CNPY1: variants seen among roughly 807,000 people sequenced by gnomAD.
CNPY1 encodes the protein canopy FGF signaling regulator 1.
A neutral mutation model predicts 14.4 loss-of-function variants in CNPY1; 14 were observed. The observed-to-expected ratio is 0.97, with a 90% CI of 0.64 to 1.52. The LOEUF (loss-of-function observed/expected upper bound fraction) is 1.52. Ranked by LOEUF, CNPY1 falls within the 40% of genes most tolerant of loss-of-function variation. CNPY1 has a pLI of 0.00. For missense variants in CNPY1, 129 were observed against 131.5 expected (o/e 0.98, Z 0.09); for synonymous variants, 43 against 46.5 (o/e 0.92, Z 0.31).
chr7:155,529,461 TG>T (rs1240453511), intron 2 of CNPY1, among the ~76,000 whole-genome samples: 3 of 152,216 alleles, frequency 2.0e-5, no homozygotes, highest in African/African-American at 7.2e-5. Context: ...AGGCCAACAC[TG>T]AGGAACCAGC....
At chr7:155,506,794 T>C (rs1005191037) in intron 4 of CNPY1, 57 of 502,622 alleles carry the variant, frequency 1.1e-4, no homozygotes, top group Non-Finnish European at 1.6e-4. Flanking sequence ...ACTTAATATA[T>C]AGAGGAAAGA....
chr7:155,508,864 T>C (rs746328118), intron 3 of CNPY1, 30 bp downstream of exon 3: 11 of 1,609,610 alleles, frequency 6.8e-6, no homozygotes, highest in Non-Finnish European at 7.6e-6. Context: ...TTCTGGATCA[T>C]ACGATTCATC....
At chr7:155,540,981 A>G (rs1001286074) in intron 2 of CNPY1, among the ~76,000 whole-genome samples, 2 of 152,216 alleles carry the variant, frequency 1.3e-5, no homozygotes, top group African/African-American at 4.8e-5. Flanking sequence ...TTGTTTAAAA[A>G]ATAAATAAAT....
chr7:155,539,845 C>T (rs1797064481), intron 2 of CNPY1, among the ~76,000 whole-genome samples: 1 of 152,090 alleles, frequency 6.6e-6, no homozygotes, highest in South Asian at 2.1e-4. Context: ...GTCAGTGATT[C>T]TTAGGAGAAA....
chr7:155,544,086 C>T (rs966726437), intron 2 of CNPY1, among the ~76,000 whole-genome samples: 6 of 152,172 alleles, frequency 3.9e-5, no homozygotes, highest in Non-Finnish European at 8.8e-5. Context: ...AGGCTCAGGA[C>T]CCCCAAACGT....
At chr7:155,508,010 A>G (rs6459706) in intron 3 of CNPY1, among the ~76,000 whole-genome samples, 26,624 of 152,252 alleles carry the variant, frequency 0.17, 5,091 homozygotes, top group African/African-American at 0.48. Flanking sequence ...CTTATTCTGT[A>G]GTACTTTTAA....
Position 155,503,026 on chromosome 7 carries a change from GGT to G in CNPY1, c.*40_*41del. 1 of 1,573,444 alleles carries G rather than the reference GGT, an allele frequency of 6.4e-7. No individual in the cohort carries two copies. The highest frequency in any genetic ancestry group is 8.7e-7 in the Non-Finnish European group (1 of 1,150,926). On this transcript the variant is annotated 3_prime_UTR_variant, in exon 5 of 5. Transcript: ENST00000636446. ...CATAAAATGCAGACATTGACCTTTG[GGT>G]GTGACTTTACTCCTCTCTACGACCA...
intron 2 of CNPY1, among the ~76,000 whole-genome samples, chr7:155,522,040 A>G (rs1164154744): frequency 6.6e-6 from 1 of 152,256 alleles, no homozygotes; most frequent in African/African-American, 2.4e-5. Context: ...AGGTTCCTCT[A>G]GACGTGTTGA....
chr7:155,531,828 T>C (rs1460525296), intron 2 of CNPY1, among the ~76,000 whole-genome samples: 1 of 152,084 alleles, frequency 6.6e-6, no homozygotes, highest in African/African-American at 2.4e-5. Flanking sequence ...GCCTCAGAAG[T>C]GGAGAAAAGG....
At position 155,502,962 on chromosome 7, in the gene CNPY1, G is replaced by A; in HGVS notation, c.*106C>T. On this transcript the variant is annotated 3_prime_UTR_variant, in exon 5 of 5. Transcript: ENST00000636446. Reference sequence around the variant, plus strand: ...ACGGAGACAAACACGGTATAAACAAGAGACAAAATTTTTCTTATCATGAAA... The same window carrying A: ...ACGGAGACAAACACGGTATAAACAAAAGACAAAATTTTTCTTATCATGAAA... 1 of 996,988 alleles carries A rather than the reference G, an allele frequency of 1.0e-6. No homozygotes were observed. Among genetic ancestry groups the A allele is most frequent in the South Asian group, 1.5e-5 (1 of 68,348 alleles). The allele number at this position is 996,988 out of a possible 1,614,324, so 61.8% of individuals were successfully genotyped here. A position where few individuals can be genotyped will look rare whatever the true frequency, so the allele number is the denominator to read the frequency against.
chr7:155,521,063 G>GAAGGAAGGAAGGAAGGAAGCAAGGAAGA (rs1221217712), intron 2 of CNPY1, among the ~76,000 whole-genome samples: 6 of 114,508 alleles, frequency 5.2e-5, no homozygotes, highest in Non-Finnish European at 8.6e-5. Context: ...AAGAAGGAAG[G>GAAGGAAGGAAGGAAGGAAGCAAGGAAGA]AAGGAAGGAA....
chr7:155,509,040 G>A lies in CNPY1; in HGVS notation c.157C>T (p.Arg53Ter), dbSNP rs772743458. 1 of 1,609,168 alleles carries A rather than the reference G, an allele frequency of 6.2e-7. No homozygotes were observed. Among genetic ancestry groups the A allele is most frequent in the Non-Finnish European group, 8.5e-7 (1 of 1,178,706 alleles). The change falls in exon 3 of 5, where the codon CGA becomes TGA. Residue 53 changes from arginine to a stop codon, truncating the protein, a stop_gained. Coordinates refer to ENST00000636446, the MANE Select transcript of CNPY1 (RefSeq NM_001393663.1). LOFTEE classifies it high-confidence loss of function. ...TCCTCAAGCTTGTAGTCGTTCATTC[G>A]CTCACAGACTTTCTCCAAAAGATCC... Reference protein sequence around the residue: ...LTDLLEKVCERMNDYKLEEDP... With the variant: ...LTDLLEKVCE
In CNPY1 at chr7:155,509,003, G is replaced by T; in HGVS notation, c.194C>A (p.Thr65Lys). 6.2e-7 allele frequency: 1 copy of T among 1,613,744 alleles called. No homozygotes were observed. The highest frequency in any genetic ancestry group is 1.3e-5 in the African/African-American group (1 of 74,984). ...NDYKLEEDPVTKERTFKRFAP... is the reference protein window; with the variant it reads ...NDYKLEEDPVKKERTFKRFAP... ...GAATCTCTTGAAAGTTCTCTCCTTC[G>T]TCACAGGGTCTTCCTCAAGCTTGTA... The change falls in exon 3 of 5, where the codon ACG becomes AAG. Residue 65 changes from threonine (T) to lysine (K), a missense_variant. Physicochemically the swap from Thr to Lys is moderately conservative, Grantham distance 78. Coordinates refer to ENST00000636446, the MANE Select transcript of CNPY1 (RefSeq NM_001393663.1).
chr7:155,502,377 C>A lies in CNPY1; in HGVS notation c.*691G>T, dbSNP rs1372613518. On this transcript the variant is annotated 3_prime_UTR_variant, in exon 5 of 5. Coordinates refer to ENST00000636446, the MANE Select transcript of CNPY1 (RefSeq NM_001393663.1). Reference sequence around the variant, plus strand: ...CGCAATCACTAGTGTCATCTTTTAACACCTGATGCAATAATAAATCAACTT... The same window carrying A: ...CGCAATCACTAGTGTCATCTTTTAAAACCTGATGCAATAATAAATCAACTT... 1 of 152,160 alleles carries A rather than the reference C, an allele frequency of 6.6e-6. No individual in the cohort carries two copies. The allele number at this position is 152,160 out of a possible 1,614,324, so 9.4% of individuals were successfully genotyped here.
chr7:155,540,536 C>A (rs1029682557), intron 2 of CNPY1, among the ~76,000 whole-genome samples: 1 of 152,212 alleles, frequency 6.6e-6, no homozygotes, highest in Non-Finnish European at 1.5e-5. Context: ...TGGTGCAAAC[C>A]GGATATTGGC....
intron 2 of CNPY1, among the ~76,000 whole-genome samples, chr7:155,512,064 A>G (rs1796542545): frequency 6.6e-6 from 1 of 152,186 alleles, no homozygotes; most frequent in Admixed American, 6.5e-5. Flanking sequence ...AATAAAACGA[A>G]GTCTTTCTAT....
rs78650027 is a variant in CNPY1, at chr7:155,537,828, T to G, written c.99+8003A>C. Among the ~76,000 whole-genome samples, 1,302 of 152,290 alleles carry G rather than the reference T, an allele frequency of 8.5e-3. 7 individuals are homozygous for G. Among genetic ancestry groups the G allele is most frequent in the Non-Finnish European group, 0.014 (954 of 68,024 alleles). ...TAGAATAGGAATTTCTACATTATCA[T>G]GGAATTCTTTTGATTTCTAAAAAAA... On this transcript the variant is annotated intron_variant, in intron 2 of 4. Transcript: ENST00000636446.
At chr7:155,507,471 TAAAAAAAA>T (rs35711313) in intron 3 of CNPY1, among the ~76,000 whole-genome samples, 2,089 of 54,172 alleles carry the variant, frequency 0.039, 38 homozygotes, top group Non-Finnish European at 0.048. Flanking sequence ...GTTTTTAAAC[TAAAAAAAA>T]AAAAAAAAAA....
chr7:155,531,983 A>G (rs1796945224), intron 2 of CNPY1, among the ~76,000 whole-genome samples: 1 of 152,252 alleles, frequency 6.6e-6, no homozygotes, highest in African/African-American at 2.4e-5. Context: ...GGATCAGGTT[A>G]AAGTGTGAGA....
Sources: allele counts gnomAD v4.1 joint callset (sites outside exome capture counted in the v4.1 genomes callset), GRCh38; gene constraint gnomAD v4.1.1; transcripts MANE v1.5; gene names NCBI Gene and HGNC (gene_info 2026-07-23, HGNC 2026-07-21).